The following RBFOX1 variants were observed in gnomAD, a reference collection of about 807,000 sequenced individuals.
The protein encoded by RBFOX1 is RNA binding protein fox-1 homolog 1.
A neutral mutation model predicts 57.7 loss-of-function variants in RBFOX1; 8 were observed. That is an observed-to-expected ratio of 0.14 (90% CI 0.08 to 0.25). The LOEUF is 0.25. RBFOX1 is among the 10% of genes least tolerant of loss of function. The pLI, the probability that RBFOX1 is intolerant of heterozygous loss-of-function variation, is 1.00. For missense variants in RBFOX1, 611 were observed against 548.5 expected (o/e 1.11, Z -1.14); for synonymous variants, 326 against 222.4 (o/e 1.47, Z -4.15).
At chr16:7,628,444 G>T (rs1394063618) in intron 10 of RBFOX1, among the ~76,000 whole-genome samples, 1 of 152,084 alleles carries the variant, frequency 6.6e-6, no homozygotes, top group Non-Finnish European at 1.5e-5. Context: ...ACTGTAGAGG[G>T]GACTAACTGT....
intron 2 of RBFOX1, among the ~76,000 whole-genome samples, chr16:5,561,434 G>A (rs946131053): frequency 3.3e-5 from 5 of 151,962 alleles, no homozygotes; most frequent in African/African-American, 1.2e-4. Flanking sequence ...CAGTTAGTGG[G>A]ACACAGACAT....
At position 6,859,164 on chromosome 16, in the gene RBFOX1, C is replaced by CGT. The variant is rs1567593126; in HGVS notation, c.-15-192892_-15-192891dup. 3.9e-3 allele frequency among the ~76,000 whole-genome samples: 318 copies of CGT among 80,944 alleles called. 2 individuals carry two copies. The highest frequency in any genetic ancestry group is 5.8e-3 in the Non-Finnish European group (261 of 44,818). The allele number at this position is 80,944 out of a possible 152,430, so 53.1% of individuals were successfully genotyped here. A position where few individuals can be genotyped will look rare whatever the true frequency, so the allele number is the denominator to read the frequency against. On this transcript the variant is annotated intron_variant, in intron 3 of 15. Coordinates refer to ENST00000550418, the MANE Select transcript of RBFOX1 (RefSeq NM_018723.4). ...ACGTATATATATATGTATATATATA[C>CGT]GTATATATATGTATATATATGTATA...
chr16:7,428,295 G>C (rs887940037), intron 4 of RBFOX1, among the ~76,000 whole-genome samples: 4 of 146,038 alleles, frequency 2.7e-5, no homozygotes, highest in Non-Finnish European at 6.0e-5. Context: ...TTTTGTATGA[G>C]ATATATTTGA....
At chr16:7,079,247 C>T (rs1398585017) in intron 4 of RBFOX1, among the ~76,000 whole-genome samples, 1 of 152,162 alleles carries the variant, frequency 6.6e-6, no homozygotes, top group East Asian at 1.9e-4. Flanking sequence ...TTTACTTGCT[C>T]ATCATACATC....
At chr16:6,948,697 C>G (rs947667191) in intron 3 of RBFOX1, among the ~76,000 whole-genome samples, 2 of 152,072 alleles carry the variant, frequency 1.3e-5, no homozygotes, top group African/African-American at 4.8e-5. Flanking sequence ...TCAGTCTTAT[C>G]AGAAACTCCC....
intron 3 of RBFOX1, among the ~76,000 whole-genome samples, chr16:6,696,076 G>C (rs1190624136): frequency 2.0e-5 from 3 of 152,158 alleles, no homozygotes; most frequent in Non-Finnish European, 4.4e-5. Flanking sequence ...AGAAAACTGT[G>C]AAAATTGAAT....
rs780509888 is a variant in RBFOX1 at position 7,607,325 on chromosome 16, C to G, written c.663C>G (p.Pro221=). The change falls in exon 10 of 16, where the codon CCC becomes CCG. Residue 221 remains proline, a synonymous_variant. Coordinates refer to ENST00000550418, the MANE Select transcript of RBFOX1 (RefSeq NM_018723.4). ...LNPVVGAVYS[P]EFYAGTVLLC... ...CAGTTGTGGGTGCAGTCTACAGTCC[C>G]GAATTCTATGCAGGTACAGAGTTTC... The G allele has an allele frequency of 1.9e-6, 3 of 1,610,486 alleles. No individual in the cohort carries two copies. The highest frequency in any genetic ancestry group is 4.5e-5 in the East Asian group (2 of 44,734).
At chr16:6,406,515 T>G (rs2093285324) in intron 2 of RBFOX1, among the ~76,000 whole-genome samples, 1 of 152,198 alleles carries the variant, frequency 6.6e-6, no homozygotes, top group African/African-American at 2.4e-5. Context: ...CCTTTAGGGT[T>G]ATTTGGTCAT....
At chr16:6,468,705 G>A (rs12445098) in intron 2 of RBFOX1, among the ~76,000 whole-genome samples, 19,216 of 152,022 alleles carry the variant, frequency 0.13, 1,540 homozygotes, top group Middle Eastern at 0.17. Flanking sequence ...ATTTTTAAAT[G>A]TGTCGTGATT....
intron 12 of RBFOX1, among the ~76,000 whole-genome samples, chr16:7,656,311 A>T (rs1390595038): frequency 6.6e-6 from 1 of 152,138 alleles, no homozygotes; most frequent in East Asian, 1.9e-4. Flanking sequence ...CGGAATGAAA[A>T]ACTTTGAGGC....
chr16:5,894,881 G>C lies in RBFOX1; in HGVS notation c.351+27546G>C, dbSNP rs111632981. On this transcript the variant is annotated intron_variant, in intron 4 of 19. Coordinates refer to the RBFOX1 transcript ENST00000641259. The stretch of plus-strand genomic sequence containing the variant: ...CTAAAAATACAAAAATATTAGCTAC[G>C]CATGGTGGCAGGTGCCTGTAGTCCC... 3.5e-3 allele frequency among the ~76,000 whole-genome samples: 493 copies of C among 140,990 alleles called. 2 individuals are homozygous for C. The highest frequency in any genetic ancestry group is 0.012 in the African/African-American group (475 of 38,800). 92.5% of individuals were successfully genotyped at this position (140,990 alleles called of 152,430 possible).
intron 5 of RBFOX1, among the ~76,000 whole-genome samples, chr16:7,549,617 C>G (rs574723638): frequency 2.6e-5 from 4 of 152,138 alleles, no homozygotes; most frequent in African/African-American, 7.2e-5. Flanking sequence ...GTCCAAGAGT[C>G]CAAAAGCTGA....
chr16:6,545,858 A>G (rs2096887309), intron 2 of RBFOX1, among the ~76,000 whole-genome samples: 1 of 152,224 alleles, frequency 6.6e-6, no homozygotes, highest in African/African-American at 2.4e-5. Context: ...AATGTTAAGA[A>G]TAGGGTTTGA....
intron 2 of RBFOX1, among the ~76,000 whole-genome samples, chr16:6,406,665 G>T (rs1228064282): frequency 6.6e-6 from 1 of 150,708 alleles, no homozygotes; most frequent in East Asian, 2.0e-4. Context: ...CTGTTCCTAT[G>T]CTCGGTCAAT....
chr16:7,394,743 C>T (rs2098113555), intron 4 of RBFOX1, among the ~76,000 whole-genome samples: 1 of 152,264 alleles, frequency 6.6e-6, no homozygotes, highest in South Asian at 2.1e-4. Flanking sequence ...TTTGAATTCT[C>T]CTTTGTAATT....
At chr16:5,827,872 TCCA>T (rs1441578840) in intron 3 of RBFOX1, among the ~76,000 whole-genome samples, 1 of 81,848 alleles carries the variant, frequency 1.2e-5, no homozygotes, top group East Asian at 2.6e-4. Flanking sequence ...CAGGCTTTTG[TCCA>T]TCCATCCATC....
chr16:5,286,234 C>T (rs2063391829), intron 1 of RBFOX1, among the ~76,000 whole-genome samples: 1 of 152,170 alleles, frequency 6.6e-6, no homozygotes, highest in African/African-American at 2.4e-5. Context: ...TCTGCGTGGG[C>T]CAATCCCTGG....
chr16:7,626,661 T>A (rs72774992), intron 10 of RBFOX1, among the ~76,000 whole-genome samples: 3,745 of 152,228 alleles, frequency 0.025, 80 homozygotes, highest in South Asian at 0.12. Flanking sequence ...ACACGTGAAG[T>A]AGATTGAAGC....
intron 3 of RBFOX1, among the ~76,000 whole-genome samples, chr16:6,834,337 A>C (rs762167567): frequency 1.3e-5 from 2 of 152,006 alleles, no homozygotes; most frequent in Non-Finnish European, 2.9e-5. Flanking sequence ...CGGCCTCCCA[A>C]ATTTGCTGGG....
Sources: allele counts gnomAD v4.1 joint callset (sites outside exome capture counted in the v4.1 genomes callset), GRCh38; gene constraint gnomAD v4.1.1; transcripts MANE v1.5; gene names NCBI Gene and HGNC (gene_info 2026-07-23, HGNC 2026-07-21).